C7: variants seen among roughly 807,000 people sequenced by gnomAD.
C7 encodes complement C7.
In C7, 83 loss-of-function variants were observed where a neutral mutation model predicts 104.8. The ratio of observed to expected loss-of-function variants is 0.79; its 90% CI spans 0.66 to 0.95. C7 has a LOEUF of 0.95. C7 is among the 40% of genes least tolerant of loss of function. The probability of loss-of-function intolerance (pLI) is 0.00; values close to 1 mark genes in which losing one functional copy is unlikely to be tolerated. For synonymous variants in C7, 415 were observed against 360.6 expected (o/e 1.15, Z -1.71); for missense variants, 1,070 against 1,011.2 (o/e 1.06, Z -0.79).
At chr5:40,958,670 A>G (rs1740355333) in intron 11 of C7, among the ~76,000 whole-genome samples, 1 of 152,198 alleles carries the variant, frequency 6.6e-6, no homozygotes, top group Admixed American at 6.5e-5. Flanking sequence ...TCAATCACTC[A>G]CAAATATTTG....
intron 8 of C7, among the ~76,000 whole-genome samples, chr5:40,949,399 G>A (rs1295666459): frequency 6.6e-6 from 1 of 151,094 alleles, no homozygotes; most frequent in Admixed American, 6.6e-5. Flanking sequence ...TTGATAATGA[G>A]TAGAAATGAT....
chr5:40,910,554 G>A (rs774016654), intron 1 of C7, among the ~76,000 whole-genome samples: 1 of 151,922 alleles, frequency 6.6e-6, no homozygotes, highest in Non-Finnish European at 1.5e-5. Context: ...AAATAACAAA[G>A]TTAATTTGTT....
Position 40,936,455 on chromosome 5 carries a change from C to T in C7, c.398C>T (p.Pro133Leu). The change falls in exon 5 of 18, where the codon CCT (proline) becomes CTT (leucine). Residue 133 changes from proline to leucine, a missense_variant. Transcript: ENST00000313164. ...AGACCTTCCTGTGATATCGATAAAC[C>T]TCCTCCTAACATAGAACTTACTGGA... is the stretch of plus-strand genomic sequence containing the variant. Reference protein sequence around the residue: ...ERRPSCDIDKPPPNIELTGNG... With the variant: ...ERRPSCDIDKLPPNIELTGNG... 6.2e-7 allele frequency: 1 copy of T among 1,612,996 alleles called. No individual in the cohort carries two copies. The highest frequency in any genetic ancestry group is 8.5e-7 in the Non-Finnish European group (1 of 1,179,292).
At position 40,959,465 on chromosome 5, in the gene C7, T is replaced by C. The variant is rs1452870907; in HGVS notation, c.1506T>C (p.Gly502=). 1 of 1,610,410 alleles carries C rather than the reference T, an allele frequency of 6.2e-7. No homozygotes were observed. The highest frequency in any genetic ancestry group is 1.7e-5 in the Admixed American group (1 of 59,744). Residue 502 remains glycine, a synonymous_variant, in exon 12 of 18, where the codon GGT becomes GGC. Transcript: ENST00000313164. ...VGNQAGGVDG[G]WSCWSSWSPC... ...ATCTTGTAGGAGGGGTTGATGGAGG[T>C]TGGAGTTGCTGGTCCTCTTGGAGCC...
At chr5:40,957,287 A>G (rs1267779360) in intron 10 of C7, among the ~76,000 whole-genome samples, 1 of 152,218 alleles carries the variant, frequency 6.6e-6, no homozygotes, top group African/African-American at 2.4e-5. Flanking sequence ...TTCTTCTGAA[A>G]TAGCCAACGC....
At chr5:40,941,084 G>T (rs1482261018) in intron 6 of C7, among the ~76,000 whole-genome samples, 1 of 150,670 alleles carries the variant, frequency 6.6e-6, no homozygotes, top group Non-Finnish European at 1.5e-5. Context: ...TTTTGAGAGG[G>T]AGTCTCATTC....
chr5:40,919,451 T>C (rs2111619249), intron 1 of C7, among the ~76,000 whole-genome samples: 1 of 152,178 alleles, frequency 6.6e-6, no homozygotes, highest in African/African-American at 2.4e-5. Flanking sequence ...ACCACAGTGA[T>C]ATGACACTAG....
In C7 at chr5:40,976,796, A is replaced by G; in HGVS notation, c.2121A>G (p.Lys707=). Residue 707 remains lysine, a synonymous_variant, in exon 16 of 18, where the codon AAA becomes AAG. Transcript: ENST00000313164. ...QAVPKCQRWE[K]LQNSRCVCKM... ...TGCCTAAATGTCAGCGCTGGGAGAA[A>G]CTGCAGAATTCAAGATGTGTTTGTA... 1 of 1,607,524 alleles carries G rather than the reference A, an allele frequency of 6.2e-7. No individual in the cohort carries two copies. Among genetic ancestry groups the G allele is most frequent in the Middle Eastern group, 1.7e-4 (1 of 6,046 alleles).
chr5:40,958,240 G>T lies in C7; in HGVS notation c.1468G>T (p.Val490Phe), dbSNP rs745320746. The T allele has an allele frequency of 1.9e-6, 3 of 1,607,904 alleles. No individual in the cohort carries two copies. The highest frequency in any genetic ancestry group is 1.7e-6 in the Non-Finnish European group (2 of 1,176,358). The change falls in exon 11 of 18, where the codon GTC becomes TTC. Residue 490 changes from valine to phenylalanine, a missense_variant. Transcript: ENST00000313164. ...YTFGAACEQGVLVGNQAGGVD... is the reference protein window; with the variant it reads ...YTFGAACEQGFLVGNQAGGVD... ...ATTTGGTGCGGCGTGTGAGCAAGGA[G>T]TCCTCGTAGGGAATCAAGCAGGTCA...
chr5:40,941,062 CTTT>C (rs35003828), intron 6 of C7, among the ~76,000 whole-genome samples: 7 of 138,886 alleles, frequency 5.0e-5, no homozygotes, highest in Admixed American at 7.3e-5. Context: ...AGGAACACTT[CTTT>C]TTTTTTTTTT....
rs1467298230 is a variant in C7, at chr5:40,976,811, ATG to A, written c.2140_2141del (p.Val714LeufsTer2). The A allele has an allele frequency of 8.1e-6, 13 of 1,607,046 alleles. No homozygotes were observed. The East Asian group carries it at 2.9e-4, about 36-fold the overall frequency. ...GCTGGGAGAAACTGCAGAATTCAAG[ATG>A]TGTTTGTAAAATGCCCTACGAATGT... Reference protein sequence around the residue: ...QRWEKLQNSRCVCKMPYECGP... With the variant: ...QRWEKLQNSRXVCKMPYECGP... On this transcript the variant is annotated frameshift_variant, in exon 16 of 18. Coordinates refer to ENST00000313164, the MANE Select transcript of C7 (RefSeq NM_000587.4). LOFTEE classifies it high-confidence loss of function.
At chr5:40,976,967 C>A in intron 16 of C7, 127 bp downstream of exon 16, 1 of 677,786 alleles carries the variant, frequency 1.5e-6, no homozygotes, top group Non-Finnish European at 2.4e-6. Flanking sequence ...GTTTGCATTT[C>A]GATGTAGTCC....
intron 1 of C7, among the ~76,000 whole-genome samples, chr5:40,923,250 C>G (rs1739479414): frequency 6.6e-6 from 1 of 152,086 alleles, no homozygotes; most frequent in African/African-American, 2.4e-5. Flanking sequence ...TTGTATTAGG[C>G]CATTATTTGT....
intron 3 of C7, among the ~76,000 whole-genome samples, chr5:40,931,686 C>A (rs1739686514): frequency 6.6e-6 from 1 of 152,168 alleles, no homozygotes; most frequent in African/African-American, 2.4e-5. Context: ...TGTTTGTATT[C>A]CTTATTATAA....
chr5:40,981,113 A>G (rs1216924311), intron 17 of C7, among the ~76,000 whole-genome samples: 1 of 152,118 alleles, frequency 6.6e-6, no homozygotes, highest in African/African-American at 2.4e-5. Context: ...AGCAGCATGT[A>G]TGTAGGAGAT....
At chr5:40,940,503 C>G (rs1739913303) in intron 6 of C7, among the ~76,000 whole-genome samples, 2 of 152,132 alleles carry the variant, frequency 1.3e-5, no homozygotes, top group Non-Finnish European at 1.5e-5. Flanking sequence ...CTTGAATATA[C>G]TTCATTATAT....
At chr5:40,943,734 C>A (rs1739991882) in intron 6 of C7, among the ~76,000 whole-genome samples, 1 of 151,644 alleles carries the variant, frequency 6.6e-6, no homozygotes, top group South Asian at 2.1e-4. Context: ...TATATTCTCC[C>A]AGCCCAAGCT....
chr5:40,953,438 C>G (rs1379022506), intron 9 of C7, among the ~76,000 whole-genome samples: 3 of 151,960 alleles, frequency 2.0e-5, no homozygotes, highest in African/African-American at 7.2e-5. Context: ...GTTAAGAGAT[C>G]GAGACCATTC....
In C7 at chr5:40,958,033, C is replaced by T. The variant is rs1297410184; in HGVS notation, c.1261C>T (p.Leu421=). 6.2e-7 allele frequency: 1 copy of T among 1,607,698 alleles called. No homozygotes were observed. Among genetic ancestry groups the T allele is most frequent in the African/African-American group, 1.3e-5 (1 of 74,926 alleles). The part of the protein sequence containing the change: ...TNLPQVIKQK[L]TPLYELVKEV... ...GACTATAATGTCTTTATCTCTATAGCTGACACCTTTATATGAGCTGGTAAA... is the reference window on the plus strand; with the variant it reads ...GACTATAATGTCTTTATCTCTATAGTTGACACCTTTATATGAGCTGGTAAA... The change falls in exon 11 of 18, where the codon CTG becomes TTG. Residue 421 remains leucine (L), a splice_region_variant and synonymous_variant. Coordinates refer to ENST00000313164, the MANE Select transcript of C7 (RefSeq NM_000587.4).
Sources: gnomAD v4.1 joint callset for allele counts (sites outside exome capture counted in the v4.1 genomes callset) on GRCh38, gnomAD v4.1.1 for gene constraint, MANE v1.5 for transcripts, NCBI Gene and HGNC (gene_info 2026-07-23, HGNC 2026-07-21) for gene names.